FAT3: variants seen among roughly 807,000 people sequenced by gnomAD.
FAT3 encodes the protein FAT atypical cadherin 3.
In FAT3, 95 loss-of-function variants were observed where a neutral mutation model predicts 310.2. The observed-to-expected ratio is 0.31, with a 90% confidence interval of 0.26 to 0.36. FAT3 has a LOEUF of 0.36. Among genes scored for constraint, FAT3 ranks in the 10% least tolerant of loss-of-function variants. The pLI is 1.00. For synonymous variants in FAT3, 2,314 were observed against 2,192.9 expected (o/e 1.06, Z -1.54); for missense variants, 5,408 against 5,715.6 (o/e 0.95, Z 1.74).
intron 3 of FAT3, among the ~76,000 whole-genome samples, chr11:92,563,681 C>T (rs1955316016): frequency 6.6e-6 from 1 of 152,056 alleles, no homozygotes; most frequent in African/African-American, 2.4e-5. Context: ...AGACTAACAG[C>T]AGATCTCTCG....
At chr11:92,295,208 A>G (rs1946817898) in intron 1 of FAT3, among the ~76,000 whole-genome samples, 1 of 152,166 alleles carries the variant, frequency 6.6e-6, no homozygotes, top group Admixed American at 6.5e-5. Context: ...ACAGAATAAG[A>G]TAATTCTTTA....
At chr11:92,778,930 A>T (rs373887646) in intron 7 of FAT3, among the ~76,000 whole-genome samples, 8 of 152,074 alleles carry the variant, frequency 5.3e-5, no homozygotes, top group East Asian at 1.9e-4. Context: ...AATTTTTTTT[A>T]AAAAATAGGA....
At chr11:92,538,941 G>A (rs477616) in intron 3 of FAT3, among the ~76,000 whole-genome samples, 59,370 of 151,824 alleles carry the variant, frequency 0.39, 12,277 homozygotes, top group Middle Eastern at 0.53. Context: ...GACTATTAAA[G>A]GCAGAAAACG....
At chr11:92,298,309 T>C (rs1467094961) in intron 1 of FAT3, among the ~76,000 whole-genome samples, 2 of 152,132 alleles carry the variant, frequency 1.3e-5, no homozygotes, top group Non-Finnish European at 2.9e-5. Flanking sequence ...ACTCTGTGCA[T>C]AGAAAATGGA....
At position 92,478,424 on chromosome 11, in the gene FAT3, A is replaced by G. The variant is rs913869177; in HGVS notation, c.3293-46210A>G. On this transcript the variant is annotated intron_variant, in intron 2 of 27. Transcript: ENST00000525166. ...ATCTCTTTCTTCCAGTTTTACCATCACTGCCCTTCAGCTCATTTGGCCTTG... is the reference window on the plus strand; with the variant it reads ...ATCTCTTTCTTCCAGTTTTACCATCGCTGCCCTTCAGCTCATTTGGCCTTG... Among the ~76,000 whole-genome samples, 7 of 152,242 alleles carry G rather than the reference A, an allele frequency of 4.6e-5. No homozygotes were observed. The East Asian group carries it at 1.4e-3, about 29-fold the overall frequency.
In FAT3 at chr11:92,639,930, A is replaced by G. The variant is rs530084720; in HGVS notation, c.3608-57454A>G. The stretch of plus-strand genomic sequence containing the variant: ...CATGAGTTTGATGTCGGCGACGTCC[A>G]TGGACAATGCCAGGCCAGTTTCCCT... On this transcript the variant is annotated intron_variant, in intron 3 of 27. Coordinates refer to ENST00000525166, the MANE Select transcript of FAT3 (RefSeq NM_001367949.2). Among the ~76,000 whole-genome samples, 12 of 152,296 alleles carry G rather than the reference A, an allele frequency of 7.9e-5. No individual in the cohort carries two copies. In the East Asian group the frequency reaches 1.4e-3, roughly 17 times the overall value.
At chr11:92,551,604 A>T (rs1361879796) in intron 3 of FAT3, among the ~76,000 whole-genome samples, 1 of 152,122 alleles carries the variant, frequency 6.6e-6, no homozygotes, top group Non-Finnish European at 1.5e-5. Flanking sequence ...ATTCTGTATT[A>T]TCTTAAAACA....
At position 92,274,539 on chromosome 11, in the gene FAT3, C is replaced by G. The variant is rs564638216; in HGVS notation, c.-18+49365C>G. 4.6e-5 allele frequency among the ~76,000 whole-genome samples: 7 copies of G among 152,052 alleles called. No individual in the cohort carries two copies. In the East Asian group the frequency reaches 1.4e-3, roughly 29 times the overall value. On this transcript the variant is annotated intron_variant, in intron 1 of 27. Coordinates refer to ENST00000525166, the MANE Select transcript of FAT3 (RefSeq NM_001367949.2). ...TTTCAACTCTTGTCTTCTGTAAATA[C>G]AATATGTCAATTTTAAAGAATTTTC...
chr11:92,341,172 G>A (rs1000808617), intron 1 of FAT3, among the ~76,000 whole-genome samples: 1 of 152,154 alleles, frequency 6.6e-6, no homozygotes, highest in Non-Finnish European at 1.5e-5. Context: ...TTTCTTTAAG[G>A]CGTGTCTACA....
intron 3 of FAT3, among the ~76,000 whole-genome samples, chr11:92,656,910 C>G (rs1942600679): frequency 6.6e-6 from 1 of 151,918 alleles, no homozygotes; most frequent in Non-Finnish European, 1.5e-5. Context: ...TATTTTACCA[C>G]ATCTTCCCAC....
intron 1 of FAT3, among the ~76,000 whole-genome samples, chr11:92,331,003 T>TGTGTGTGTGA (rs1280550527): frequency 4.5e-5 from 6 of 133,494 alleles, no homozygotes; most frequent in Admixed American, 4.4e-4. Context: ...TGTGTGTGTG[T>TGTGTGTGTGA]GAGAGAGAGA....
chr11:92,564,343 T>G (rs1955350803), intron 3 of FAT3, among the ~76,000 whole-genome samples: 1 of 150,928 alleles, frequency 6.6e-6, no homozygotes, highest in Non-Finnish European at 1.5e-5. Flanking sequence ...CTAACTATCC[T>G]AAATATATAT....
intron 2 of FAT3, among the ~76,000 whole-genome samples, chr11:92,484,960 G>A (rs78079504): frequency 0.068 from 10,294 of 152,256 alleles, 1,106 homozygotes; most frequent in African/African-American, 0.23. Context: ...GTGAATGTAT[G>A]TGGCACACAT....
intron 3 of FAT3, among the ~76,000 whole-genome samples, chr11:92,659,645 T>C (rs1942707419): frequency 6.6e-6 from 1 of 152,198 alleles, no homozygotes; most frequent in Non-Finnish European, 1.5e-5. Flanking sequence ...TGAAATAATA[T>C]CTCAGGAGGG....
intron 4 of FAT3, among the ~76,000 whole-genome samples, chr11:92,716,733 A>G (rs1303513198): frequency 1.3e-5 from 2 of 152,330 alleles, no homozygotes; most frequent in Middle Eastern, 3.4e-3. Context: ...TTTGATGAAT[A>G]CATCATCCCA....
At chr11:92,364,274 A>G (rs1334454842) in intron 2 of FAT3, among the ~76,000 whole-genome samples, 1 of 152,142 alleles carries the variant, frequency 6.6e-6, no homozygotes, top group Non-Finnish European at 1.5e-5. Flanking sequence ...CTCCAGTGCC[A>G]AGTGATGCTG....
intron 3 of FAT3, among the ~76,000 whole-genome samples, chr11:92,666,137 C>T (rs1188132012): frequency 1.3e-5 from 2 of 152,174 alleles, no homozygotes; most frequent in Non-Finnish European, 2.9e-5. Flanking sequence ...TACCTGTTGG[C>T]AGCTTGCTGC....
At chr11:92,247,725 GTTT>G (rs139681837) in intron 1 of FAT3, among the ~76,000 whole-genome samples, 32,712 of 141,646 alleles carry the variant, frequency 0.23, 3,650 homozygotes, top group East Asian at 0.39. Context: ...AGGTTCACCT[GTTT>G]TTTTTTTTTT....
At chr11:92,301,508 A>G (rs1356388550) in intron 1 of FAT3, among the ~76,000 whole-genome samples, 2 of 152,100 alleles carry the variant, frequency 1.3e-5, no homozygotes, top group Non-Finnish European at 2.9e-5. Flanking sequence ...GCTCTCTGTC[A>G]ACAAGTCACC....
Sources: allele counts gnomAD v4.1 joint callset (sites outside exome capture counted in the v4.1 genomes callset), GRCh38; gene constraint gnomAD v4.1.1; transcripts MANE v1.5; gene names NCBI Gene and HGNC (gene_info 2026-07-23, HGNC 2026-07-21).